Variants in PARP8 observed in about 807,000 individuals in gnomAD.
PARP8 encodes poly(ADP-ribose) polymerase family member 8.
PARP8 carries 51 observed loss-of-function variants against 124.1 expected under a neutral mutation model. That is an observed-to-expected ratio of 0.41 (90% CI 0.33 to 0.52). The LOEUF (loss-of-function observed/expected upper bound fraction) is 0.52, where lower values mean the gene tolerates loss of function less well. Ranked by LOEUF, PARP8 falls within the 20% of genes least tolerant of loss-of-function variation. PARP8 has a pLI of 0.21. For missense variants in PARP8, 860 were observed against 1,018.9 expected (o/e 0.84, Z 2.12); for synonymous variants, 391 against 361.5 (o/e 1.08, Z -0.93).
chr5:50,760,462 G>T (rs1760436387), intron 5 of PARP8, 100 bp downstream of exon 5: 2 of 951,790 alleles, frequency 2.1e-6, no homozygotes, highest in Admixed American at 8.5e-5. Context: ...GACTAAAATG[G>T]TATATGGTGA....
chr5:50,752,305 G>A (rs1380391309), intron 3 of PARP8, among the ~76,000 whole-genome samples: 3 of 151,970 alleles, frequency 2.0e-5, no homozygotes, highest in African/African-American at 2.4e-5. Context: ...GTTGCTGAAT[G>A]AATTAAACAA....
chr5:50,768,261 C>T (rs1761246564), intron 7 of PARP8, among the ~76,000 whole-genome samples: 1 of 150,150 alleles, frequency 6.7e-6, no homozygotes, highest in Non-Finnish European at 1.5e-5. Flanking sequence ...TGAGTAGTTC[C>T]ATTAAAAATA....
chr5:50,759,732 G>T lies in PARP8; in HGVS notation c.274G>T (p.Glu92Ter). ...AGTAATTTTTCATAGAATAGCAACAGGTAATAGTAGTATTATTTTTTATAC... is the reference window on the plus strand; with the variant it reads ...AGTAATTTTTCATAGAATAGCAACATGTAATAGTAGTATTATTTTTTATAC... ...IPVIFHRIATELRKTNDINCC... is the reference protein window; with the variant it reads ...IPVIFHRIAT Residue 92 changes from glutamate to a stop codon, truncating the protein, a stop_gained and splice_region_variant, in exon 4 of 26, where the codon GAA (glutamate) becomes TAA (stop). Coordinates refer to ENST00000281631, the MANE Select transcript of PARP8 (RefSeq NM_024615.4). LOFTEE classifies it high-confidence loss of function. The T allele has an allele frequency of 6.4e-7, 1 of 1,552,452 alleles. No homozygotes were observed. The highest frequency in any genetic ancestry group is 1.4e-5 in the African/African-American group (1 of 70,460).
intron 3 of PARP8, among the ~76,000 whole-genome samples, chr5:50,754,148 TATAC>T (rs1759611256): frequency 8.9e-5 from 2 of 22,424 alleles, no homozygotes; most frequent in Admixed American, 4.2e-4. Flanking sequence ...TATATATATA[TATAC>T]ACACACACAC....
At chr5:50,681,986 T>G (rs931016016) in intron 2 of PARP8, among the ~76,000 whole-genome samples, 6 of 152,118 alleles carry the variant, frequency 3.9e-5, no homozygotes, top group Admixed American at 6.6e-5. Flanking sequence ...ATAAGATATA[T>G]TTTTGGTTGG....
chr5:50,759,496 C>T (rs1381366009), intron 3 of PARP8, 147 bp from the exon 4 acceptor site: 4 of 870,628 alleles, frequency 4.6e-6, no homozygotes, highest in Non-Finnish European at 6.4e-6. Context: ...TTTACTTTAT[C>T]ATATTTTTTG....
chr5:50,747,708 CTA>C (rs753433422), intron 2 of PARP8, among the ~76,000 whole-genome samples: 1 of 139,938 alleles, frequency 7.1e-6, no homozygotes, highest in Non-Finnish European at 1.5e-5. Context: ...TTACTTAAAT[CTA>C]TATGTGTCTC....
At chr5:50,763,422 T>C (rs1215463321) in intron 7 of PARP8, among the ~76,000 whole-genome samples, 180 bp downstream of exon 7, 5 of 152,212 alleles carry the variant, frequency 3.3e-5, no homozygotes, top group Non-Finnish European at 7.3e-5. Flanking sequence ...TTGATACATG[T>C]GGTTTAAGAT....
At chr5:50,674,282 A>G (rs1750365188) in intron 2 of PARP8, among the ~76,000 whole-genome samples, 1 of 152,170 alleles carries the variant, frequency 6.6e-6, no homozygotes, top group Non-Finnish European at 1.5e-5. Flanking sequence ...CCTAGTCAGT[A>G]TCACATCTTT....
At chr5:50,725,597 A>G (rs1756345852) in intron 2 of PARP8, among the ~76,000 whole-genome samples, 1 of 152,196 alleles carries the variant, frequency 6.6e-6, no homozygotes, top group Non-Finnish European at 1.5e-5. Flanking sequence ...CACTGCTAAT[A>G]TGGCTGTCAA....
chr5:50,833,889 T>C, intron 23 of PARP8, 90 bp from the exon 24 acceptor site: 1 of 966,868 alleles, frequency 1.0e-6, no homozygotes, highest in Non-Finnish European at 1.6e-6. Flanking sequence ...CCTGGAGCCA[T>C]CTTAGTGACT....
chr5:50,822,225 C>A, intron 16 of PARP8, 110 bp from the exon 17 acceptor site: 1 of 781,282 alleles, frequency 1.3e-6, no homozygotes, highest in Non-Finnish European at 2.2e-6. Flanking sequence ...TTCAAATTGA[C>A]CCCAGTGGAA....
chr5:50,841,870 T>C (rs1748222750), intron 25 of PARP8, 96 bp from the exon 26 acceptor site: 1 of 805,378 alleles, frequency 1.2e-6, no homozygotes, highest in South Asian at 1.8e-5. Flanking sequence ...TTTGATTCTC[T>C]TGGGCTATAT....
intron 10 of PARP8, among the ~76,000 whole-genome samples, chr5:50,792,768 A>G (rs1742107365): frequency 6.6e-6 from 1 of 152,150 alleles, no homozygotes; most frequent in South Asian, 2.1e-4. Context: ...TCACTTATTG[A>G]AGTTTTATTC....
At chr5:50,695,245 T>C (rs1481646314) in intron 2 of PARP8, among the ~76,000 whole-genome samples, 4 of 152,212 alleles carry the variant, frequency 2.6e-5, no homozygotes, top group Non-Finnish European at 5.9e-5. Context: ...GAATATTGCA[T>C]TGTAGCAAGT....
chr5:50,810,743 T>A (rs1744345644), intron 14 of PARP8, among the ~76,000 whole-genome samples: 2 of 152,028 alleles, frequency 1.3e-5, no homozygotes, highest in Non-Finnish European at 2.9e-5. Flanking sequence ...AAAATAAATA[T>A]ACAAACACCT....
At chr5:50,788,966 G>T (rs971879987) in intron 10 of PARP8, among the ~76,000 whole-genome samples, 1 of 152,122 alleles carries the variant, frequency 6.6e-6, no homozygotes. Context: ...ATCCTGAGCC[G>T]ACCAGTCCTT....
rs75028960 is a variant in PARP8 at position 50,712,721 on chromosome 5, C to T, written c.147-37430C>T. Among the ~76,000 whole-genome samples, 1,139 of 151,964 alleles carry T rather than the reference C, an allele frequency of 7.5e-3. 15 individuals are homozygous for T. Among genetic ancestry groups the T allele is most frequent in the African/African-American group, 0.026 (1,069 of 41,444 alleles). On this transcript the variant is annotated intron_variant, in intron 2 of 25. Coordinates refer to ENST00000281631, the MANE Select transcript of PARP8 (RefSeq NM_024615.4). ...AATGTCATAAGTGACAAGATAAGTGCAGGGAGCCACGGGAGCATGCAGGGT... is the reference window on the plus strand; with the variant it reads ...AATGTCATAAGTGACAAGATAAGTGTAGGGAGCCACGGGAGCATGCAGGGT...
Position 50,805,782 on chromosome 5 carries a change from G to A in PARP8, c.1575+8549G>A, listed in dbSNP as rs1228567492. 2.6e-5 allele frequency among the ~76,000 whole-genome samples: 4 copies of A among 152,136 alleles called. No homozygotes were observed. The South Asian group carries it at 6.2e-4, about 24-fold the overall frequency. ...TTTATTTGCTTAAGGGAAACAATCC[G>A]TGTACTATTTTTTTGCCAGTCAACT... On this transcript the variant is annotated intron_variant, in intron 14 of 25. Transcript: ENST00000281631.
Sources: allele counts gnomAD v4.1 joint callset (sites outside exome capture counted in the v4.1 genomes callset), GRCh38; gene constraint gnomAD v4.1.1; transcripts MANE v1.5; gene names NCBI Gene and HGNC (gene_info 2026-07-23, HGNC 2026-07-21).